SNX18: variants seen among roughly 807,000 people sequenced by gnomAD.
SNX18 encodes the protein sorting nexin-18.
SNX18 carries 35 observed loss-of-function variants against 48.7 expected under a neutral mutation model. The observed-to-expected ratio is 0.72, with a 90% CI of 0.55 to 0.95. The LOEUF is 0.95. SNX18 is among the 40% of genes least tolerant of loss of function. SNX18 has a pLI of 0.00. For missense variants in SNX18, 824 were observed against 871.0 expected (o/e 0.95, Z 0.68); for synonymous variants, 492 against 384.7 (o/e 1.28, Z -3.26).
the SNX18 span, among the ~76,000 whole-genome samples, chr5:54,621,872 T>C: frequency 6.6e-6 from 1 of 152,222 alleles, no homozygotes; most frequent in Non-Finnish European, 1.5e-5. Context: ...AGACAGCCAC[T>C]GTGCTAAATT....
At chr5:54,591,995 A>G in the SNX18 span, among the ~76,000 whole-genome samples, 2 of 152,238 alleles carry the variant, frequency 1.3e-5, no homozygotes, top group Non-Finnish European at 2.9e-5. Context: ...TACTCTGTCC[A>G]TATTTCAATT....
At position 54,517,867 on chromosome 5, in the gene SNX18, A is replaced by C; in HGVS notation, c.-86A>C. 7.6e-7 allele frequency: 1 copy of C among 1,313,586 alleles called. No homozygotes were observed. The highest frequency in any genetic ancestry group is 9.7e-7 in the Non-Finnish European group (1 of 1,027,334). 81.4% of individuals were successfully genotyped at this position (1,313,586 alleles called of 1,614,324 possible). ...CCTTCGGGGCTCCAGTCCGCGCGCC[A>C]GGGCTCGAGCAGTACCGCGGGCCCC... On this transcript the variant is annotated 5_prime_UTR_variant, in exon 1 of 2. Coordinates refer to ENST00000381410, the MANE Select transcript of SNX18 (RefSeq NM_001102575.2).
At chr5:54,604,156 T>C in the SNX18 span, among the ~76,000 whole-genome samples, 1 of 152,224 alleles carries the variant, frequency 6.6e-6, no homozygotes, top group African/African-American at 2.4e-5. Flanking sequence ...GCTGACAGTA[T>C]GATGGCTTTT....
At chr5:54,522,292 G>A (rs939957652) in intron 1 of SNX18, among the ~76,000 whole-genome samples, 7 of 152,082 alleles carry the variant, frequency 4.6e-5, no homozygotes, top group Non-Finnish European at 8.8e-5. Context: ...TCTCAATTCC[G>A]TCACCTCCCC....
chr5:54,533,033 A>G (rs1762280223), intron 1 of SNX18, among the ~76,000 whole-genome samples: 1 of 152,196 alleles, frequency 6.6e-6, no homozygotes. Context: ...AAACAGACTA[A>G]TGATATTTTC....
chr5:54,618,297 TC>T, the SNX18 span, among the ~76,000 whole-genome samples: 2 of 152,232 alleles, frequency 1.3e-5, no homozygotes, highest in Non-Finnish European at 2.9e-5. Flanking sequence ...CAATTAAACC[TC>T]TGTCTTTTAC....
chr5:54,586,499 A>G, the SNX18 span, among the ~76,000 whole-genome samples: 3 of 152,238 alleles, frequency 2.0e-5, no homozygotes, highest in South Asian at 6.2e-4. Context: ...GTCCAAGAAC[A>G]TGGCACTGGC....
At chr5:54,541,147 C>T (rs1762462565) in intron 1 of SNX18, among the ~76,000 whole-genome samples, 1 of 152,112 alleles carries the variant, frequency 6.6e-6, no homozygotes, top group Non-Finnish European at 1.5e-5. Flanking sequence ...CCTGCCCCAA[C>T]CTCCCGAGTA....
At chr5:54,576,893 C>T in the SNX18 span, among the ~76,000 whole-genome samples, 1 of 152,170 alleles carries the variant, frequency 6.6e-6, no homozygotes, top group Admixed American at 6.5e-5. Flanking sequence ...CCTCTGCCTC[C>T]CAGGTTCCAG....
chr5:54,641,856 A>G, the SNX18 span, among the ~76,000 whole-genome samples: 1 of 152,330 alleles, frequency 6.6e-6, no homozygotes, highest in Non-Finnish European at 1.5e-5. Flanking sequence ...CCTCCCACCA[A>G]GAGCAGCCAT....
At chr5:54,588,326 T>A in the SNX18 span, among the ~76,000 whole-genome samples, 43 of 30,940 alleles carry the variant, frequency 1.4e-3, 2 homozygotes, top group Non-Finnish European at 2.2e-3. Context: ...TTTTTTTTTT[T>A]TTTTTTTTTT....
chr5:54,533,180 T>C (rs1762283142), intron 1 of SNX18, among the ~76,000 whole-genome samples: 1 of 152,222 alleles, frequency 6.6e-6, no homozygotes, highest in Admixed American at 6.5e-5. Context: ...TCAAAAGTTC[T>C]CTTTGTCATT....
the SNX18 span, among the ~76,000 whole-genome samples, chr5:54,551,928 G>C: frequency 6.6e-6 from 1 of 152,166 alleles, no homozygotes; most frequent in Non-Finnish European, 1.5e-5. Context: ...TGCCCTCTAT[G>C]AAAGAAAGAA....
chr5:54,534,770 C>T (rs1762320772), intron 1 of SNX18, among the ~76,000 whole-genome samples: 1 of 151,658 alleles, frequency 6.6e-6, no homozygotes, highest in South Asian at 2.1e-4. Context: ...GAACATGGAA[C>T]AGAGAAGTTT....
the SNX18 span, among the ~76,000 whole-genome samples, chr5:54,626,105 T>C: frequency 6.6e-6 from 1 of 152,336 alleles, no homozygotes; most frequent in Admixed American, 6.5e-5. Context: ...TAACTTAAGC[T>C]ACCTTAAGCT....
At chr5:54,612,542 C>T in the SNX18 span, among the ~76,000 whole-genome samples, 1 of 152,012 alleles carries the variant, frequency 6.6e-6, no homozygotes, top group East Asian at 1.9e-4. Context: ...GGATTACAGG[C>T]GTGAGCCACC....
chr5:54,618,537 T>C, the SNX18 span, among the ~76,000 whole-genome samples: 2 of 152,180 alleles, frequency 1.3e-5, no homozygotes, highest in Admixed American at 6.5e-5. Flanking sequence ...GCTACAAAAA[T>C]GGGATCATTA....
At chr5:54,547,247 G>A (rs948361844), downstream of SNX18, among the ~76,000 whole-genome samples, 1 of 152,212 alleles carries the variant, frequency 6.6e-6, no homozygotes, top group African/African-American at 2.4e-5. Flanking sequence ...TTAAAAGTAT[G>A]CAAGAGAAGA....
chr5:54,526,103 T>G (rs867627032), intron 1 of SNX18, among the ~76,000 whole-genome samples: 4 of 152,020 alleles, frequency 2.6e-5, no homozygotes, highest in Non-Finnish European at 5.9e-5. Context: ...ACCAAAGAGA[T>G]AAATTATGAC....
Sources: gnomAD v4.1 joint callset for allele counts (sites outside exome capture counted in the v4.1 genomes callset) on GRCh38, gnomAD v4.1.1 for gene constraint, MANE v1.5 for transcripts, NCBI Gene and HGNC (gene_info 2026-07-23, HGNC 2026-07-21) for gene names.